Variants in HARS1 observed in about 807,000 individuals in gnomAD.
HARS1 encodes histidyl-tRNA synthetase 1.
HARS1 carries 45 observed loss-of-function variants against 63.6 expected under a neutral mutation model. The ratio of observed to expected loss-of-function variants is 0.71; its 90% CI spans 0.56 to 0.91. The LOEUF (loss-of-function observed/expected upper bound fraction) is 0.91. HARS1 is among the 40% of genes least tolerant of loss of function. The pLI is 0.00. For synonymous variants in HARS1, 205 were observed against 247.1 expected (o/e 0.83, Z 1.60); for missense variants, 508 against 643.2 (o/e 0.79, Z 2.27).
chr5:140,689,566 T>G (rs576499466), intron 2 of HARS1, among the ~76,000 whole-genome samples: 2 of 152,342 alleles, frequency 1.3e-5, no homozygotes, highest in South Asian at 4.1e-4. Context: ...CCCAAAGTGC[T>G]GGGATTACAG....
chr5:140,676,598 T>C lies in HARS1; in HGVS notation c.1194+56A>G, dbSNP rs1020036750. The C allele has an allele frequency of 5.1e-6, 8 of 1,571,982 alleles. No individual in the cohort carries two copies. Among genetic ancestry groups the C allele is most frequent in the South Asian group, 3.4e-5 (3 of 87,370 alleles). ...ACCACTTGCTCCCTTGGAGATCAGA[T>C]AGCTTAGGTGCCACCACCTGCTCAG... On this transcript the variant is annotated intron_variant, in intron 10 of 12. Transcript: ENST00000504156. The surrounding 1 kb of genome is among the most constrained non-coding windows in gnomAD (Gnocchi z 4.1).
At position 140,674,712 on chromosome 5, in the gene HARS1, G is replaced by C; in HGVS notation, c.1425C>G (p.Val475=). 6.2e-7 allele frequency: 1 copy of C among 1,614,186 alleles called. No homozygotes were observed. Among genetic ancestry groups the C allele is most frequent in the African/African-American group, 1.3e-5 (1 of 75,036 alleles). The change falls in exon 12 of 13, where the codon GTC becomes GTG. Residue 475 remains valine (V), a synonymous_variant. Coordinates refer to ENST00000504156, the MANE Select transcript of HARS1 (RefSeq NM_002109.6). ...IIGEQELKDG[V]IKLRSVTSRE... ...TGCTCGTCACTGAACGGAGCTTGATGACCCCATCCTTGAGTTCCTGCTCGC... is the reference window on the plus strand; with the variant it reads ...TGCTCGTCACTGAACGGAGCTTGATCACCCCATCCTTGAGTTCCTGCTCGC...
intron 3 of HARS1, 186 bp downstream of exon 3, chr5:140,682,914 C>A: frequency 1.9e-6 from 1 of 532,292 alleles, no homozygotes; most frequent in Non-Finnish European, 3.3e-6. Context: ...CTGGCCACAA[C>A]CAAGATAATA....
At position 140,674,287 on chromosome 5, in the gene HARS1, C is replaced by G. The variant is rs1177200945; in HGVS notation, c.1500G>C (p.Arg500Ser). ...RREDLVEEIKRRTGQPLCIC is the reference protein window; with the variant it reads ...RREDLVEEIKSRTGQPLCIC Reference sequence around the variant, plus strand: ...AGATGCAGAGGGGCTGGCCTGTTCTCCTTTTGATTTCCTCCACAAGGTCTT... The same window carrying G: ...AGATGCAGAGGGGCTGGCCTGTTCTGCTTTTGATTTCCTCCACAAGGTCTT... Residue 500 changes from arginine to serine, a missense_variant, in exon 13 of 13, where the codon AGG becomes AGC. Arg to Ser is a moderately radical substitution (Grantham distance 110). Around this residue, in one of 2 missense-constraint regions of HARS1, gnomAD observed 403 missense variants for 548.7 expected, o/e 0.73. Coordinates refer to ENST00000504156, the MANE Select transcript of HARS1 (RefSeq NM_002109.6). The G allele has an allele frequency of 6.2e-7, 1 of 1,612,584 alleles. No individual in the cohort carries two copies. Among genetic ancestry groups the G allele is most frequent in the Non-Finnish European group, 8.5e-7 (1 of 1,178,592 alleles).
In HARS1 at chr5:140,679,662, A is replaced by C; in HGVS notation, c.396+126T>G. 2 of 562,564 alleles carry C rather than the reference A, an allele frequency of 3.6e-6. No individual in the cohort carries two copies. Among genetic ancestry groups the C allele is most frequent in the South Asian group, 5.1e-5 (2 of 39,520 alleles). The allele number at this position is 562,564 out of a possible 1,614,324, so 34.8% of individuals were successfully genotyped here. ...TTAGCCAAAGTTCCACTCCTGGTTT[A>C]GAGAAATAATTCCCCTAATCGCCAA... On this transcript the variant is annotated intron_variant, in intron 4 of 12. Transcript: ENST00000504156. The surrounding 1 kb of genome is among the most constrained non-coding windows in gnomAD (Gnocchi z 4.3).
intron 2 of HARS1, chr5:140,683,703 G>A (rs73271591): frequency 0.021 from 3,228 of 156,562 alleles, 117 homozygotes; most frequent in African/African-American, 0.074. Context: ...GCGACGACAC[G>A]CCCCTTGTAG....
intron 2 of HARS1, among the ~76,000 whole-genome samples, chr5:140,686,223 T>G (rs1350548995): frequency 1.3e-5 from 2 of 150,604 alleles, no homozygotes; most frequent in Non-Finnish European, 3.0e-5. Flanking sequence ...ATGAGCCACC[T>G]TGCCTGGCCT....
rs1030952688 is a variant in HARS1, at chr5:140,679,979, A to G, written c.301-96T>C. 1.5e-6 allele frequency: 1 copy of G among 649,224 alleles called. No individual in the cohort carries two copies. Among genetic ancestry groups the G allele is most frequent in the Non-Finnish European group, 2.7e-6 (1 of 365,684 alleles). 40.2% of individuals were successfully genotyped at this position (649,224 alleles called of 1,614,324 possible). A position where few individuals can be genotyped will look rare whatever the true frequency, so the allele number is the denominator to read the frequency against. On this transcript the variant is annotated intron_variant, in intron 3 of 12. Transcript: ENST00000504156. The surrounding 1 kb of genome is among the most constrained non-coding windows in gnomAD (Gnocchi z 4.3). Reference sequence around the variant, plus strand: ...ACATGACTGATTCCAACTTGTCTACATTTCCCTCTGCTCTTTATCCCAATT... The same window carrying G: ...ACATGACTGATTCCAACTTGTCTACGTTTCCCTCTGCTCTTTATCCCAATT...
chr5:140,684,207 G>A (rs374929883), intron 2 of HARS1: 3 of 253,944 alleles, frequency 1.2e-5, no homozygotes, highest in Non-Finnish European at 1.8e-5. Flanking sequence ...GGAGAATGGC[G>A]TGAACCCGGC....
In HARS1 at chr5:140,677,124, GAC is replaced by G. The variant is rs1758424618; in HGVS notation, c.824-10_824-9del. On this transcript the variant is annotated splice_polypyrimidine_tract_variant and intron_variant, in intron 8 of 12. Transcript: ENST00000504156. The stretch of plus-strand genomic sequence containing the variant: ...CCACCAGGGATACCCCACCTGGGGA[GAC>G]AGACTTGTGAGTGAGGCTGACAAGG... The G allele has an allele frequency of 6.2e-7, 1 of 1,613,652 alleles. No homozygotes were observed. Among genetic ancestry groups the G allele is most frequent in the Non-Finnish European group, 8.5e-7 (1 of 1,179,756 alleles).
Position 140,676,553 on chromosome 5 carries a change from T to C in HARS1, c.1194+101A>G. ...TAATCTTTTCTCCATTTCTGTGAGA[T>C]GCTCCCTGCCCAAAGCAGCACCACT... On this transcript the variant is annotated intron_variant, in intron 10 of 12. Transcript: ENST00000504156. This position sits in a 1 kb window ranked among gnomAD's most constrained non-coding sequence, Gnocchi z 4.1. 3.3e-6 allele frequency: 4 copies of C among 1,224,796 alleles called. No homozygotes were observed. The highest frequency in any genetic ancestry group is 4.6e-6 in the Non-Finnish European group (4 of 861,840). 75.9% of individuals were successfully genotyped at this position (1,224,796 alleles called of 1,614,324 possible).
chr5:140,687,697 T>C (rs983497289), intron 2 of HARS1: 1 of 152,196 alleles, frequency 6.6e-6, no homozygotes, highest in Non-Finnish European at 1.5e-5. Flanking sequence ...TTAGTACAGT[T>C]TAGTGTCACT....
chr5:140,675,792 G>T (rs1004385613), intron 10 of HARS1: 1 of 152,270 alleles, frequency 6.6e-6, no homozygotes, highest in East Asian at 1.9e-4. Flanking sequence ...TGGGTGTGGG[G>T]AAAGGAGAAT....
At position 140,691,025 on chromosome 5, in the gene HARS1, A is replaced by C. The variant is rs920846408; in HGVS notation, c.91-81T>G. On this transcript the variant is annotated intron_variant, in intron 1 of 12. Coordinates refer to ENST00000504156, the MANE Select transcript of HARS1 (RefSeq NM_002109.6). Reference sequence around the variant, plus strand: ...GCCATTCATTCAATATTCCTCCCTCATCACATCTCTCTGCTCAGGCCTAGC... The same window carrying C: ...GCCATTCATTCAATATTCCTCCCTCCTCACATCTCTCTGCTCAGGCCTAGC... The C allele has an allele frequency of 1.5e-5, 15 of 984,292 alleles. No homozygotes were observed. The African/African-American group carries it at 1.6e-4, about 10-fold the overall frequency. The allele number at this position is 984,292 out of a possible 1,614,324, so 61.0% of individuals were successfully genotyped here.
intron 5 of HARS1, chr5:140,678,261 A>G (rs1353011715): frequency 1.8e-6 from 1 of 548,896 alleles, no homozygotes; most frequent in Non-Finnish European, 3.3e-6. Flanking sequence ...CTCCTACTGG[A>G]TGGGGTGATT....
At chr5:140,680,995 A>G (rs905082574) in intron 3 of HARS1, among the ~76,000 whole-genome samples, 7 of 152,222 alleles carry the variant, frequency 4.6e-5, no homozygotes, top group Non-Finnish European at 8.8e-5. Flanking sequence ...CTGAGATTCG[A>G]ATAATGTCAA....
At chr5:140,678,963 C>G in intron 5 of HARS1, 39 bp downstream of exon 5, 1 of 1,607,378 alleles carries the variant, frequency 6.2e-7, no homozygotes, top group Non-Finnish European at 8.5e-7. Context: ...GAGAGAGCCC[C>G]AAGTAACTCA....
chr5:140,687,410 G>T (rs1297342481), intron 2 of HARS1: 1 of 151,944 alleles, frequency 6.6e-6, no homozygotes, highest in Middle Eastern at 3.2e-3. Context: ...GCTGCATGTG[G>T]TGGTACCCGC....
chr5:140,679,464 G>A lies in HARS1; in HGVS notation c.396+324C>T, dbSNP rs918863565. 2 of 400,332 alleles carry A rather than the reference G, an allele frequency of 5.0e-6. No homozygotes were observed. Among genetic ancestry groups the A allele is most frequent in the Non-Finnish European group, 8.9e-6 (2 of 225,062 alleles). 24.8% of individuals were successfully genotyped at this position (400,332 alleles called of 1,614,324 possible). The stretch of plus-strand genomic sequence containing the variant: ...AAGCAGATGATTCTCTGTGTAGCTT[G>A]GAGACAAGGGAAATGTGTTGCTAGT... On this transcript the variant is annotated intron_variant, in intron 4 of 12. Coordinates refer to ENST00000504156, the MANE Select transcript of HARS1 (RefSeq NM_002109.6). This position sits in a 1 kb window ranked among gnomAD's most constrained non-coding sequence, Gnocchi z 4.3.
Sources: allele counts gnomAD v4.1 joint callset (sites outside exome capture counted in the v4.1 genomes callset), GRCh38; gene constraint gnomAD v4.1.1; regional missense constraint gnomAD v4.1.1; non-coding constraint Gnocchi (gnomAD v3.1); transcripts MANE v1.5; gene names NCBI Gene and HGNC (gene_info 2026-07-23, HGNC 2026-07-21).